TRAPPC9: variants seen among roughly 807,000 people sequenced by gnomAD.
The protein encoded by TRAPPC9 is IKK2 binding protein.
A neutral mutation model predicts 124.0 loss-of-function variants in TRAPPC9; 83 were observed. The ratio of observed to expected loss-of-function variants is 0.67; its 90% confidence interval spans 0.56 to 0.80. TRAPPC9 has a LOEUF of 0.80. Ranked by LOEUF, TRAPPC9 falls within the 30% of genes least tolerant of loss-of-function variation. The pLI, the probability that TRAPPC9 is intolerant of heterozygous loss-of-function variation, is 0.00. For synonymous variants in TRAPPC9, 638 were observed against 617.5 expected, an observed-to-expected ratio of 1.03 and a Z score of -0.49; for missense variants, 1,302 against 1,508.3, an observed-to-expected ratio of 0.86 and a Z score of 2.27.
intron 21 of TRAPPC9, among the ~76,000 whole-genome samples, chr8:139,796,616 A>G (rs927014346): frequency 7.2e-5 from 11 of 152,224 alleles, no homozygotes; most frequent in African/African-American, 2.4e-4. Flanking sequence ...ATAATATTCC[A>G]TGTTATGGCT....
rs1335877040 is a variant in TRAPPC9, at chr8:139,816,875, C to T, written c.3055+69004G>A. On this transcript the variant is annotated intron_variant, in intron 21 of 22. Coordinates refer to ENST00000438773, the MANE Select transcript of TRAPPC9 (RefSeq NM_001160372.4). The stretch of plus-strand genomic sequence containing the variant: ...CCAAACTCACGGCCCGCCCTCACTG[C>T]ACATGCAGGCACAGTCTCAGCTTCA... Among the ~76,000 whole-genome samples, 7 of 152,176 alleles carry T rather than the reference C, an allele frequency of 4.6e-5. No homozygotes were observed. The East Asian group carries it at 1.4e-3, about 29-fold the overall frequency.
chr8:139,773,422 C>T (rs745530806), intron 21 of TRAPPC9, among the ~76,000 whole-genome samples: 5 of 152,196 alleles, frequency 3.3e-5, no homozygotes, highest in South Asian at 4.1e-4. Flanking sequence ...GTGCAGCAGA[C>T]GGCACTGGGT....
chr8:140,160,325 T>C (rs541590812), intron 17 of TRAPPC9, among the ~76,000 whole-genome samples: 2 of 152,308 alleles, frequency 1.3e-5, no homozygotes, highest in East Asian at 3.9e-4. Context: ...TAAATCATGC[T>C]ACTGTAAAGA....
At chr8:140,210,282 C>T (rs562505574) in intron 17 of TRAPPC9, among the ~76,000 whole-genome samples, 1 of 152,358 alleles carries the variant, frequency 6.6e-6, no homozygotes, top group South Asian at 2.1e-4. Context: ...CTGTCTTCAT[C>T]TAGAAAACAG....
chr8:140,167,957 G>T (rs2061877467), intron 17 of TRAPPC9, among the ~76,000 whole-genome samples: 1 of 152,174 alleles, frequency 6.6e-6, no homozygotes, highest in Admixed American at 6.5e-5. Context: ...TGGATAAAAG[G>T]AGAAGTTAAA....
rs1296186564 is a variant in TRAPPC9, at chr8:140,437,009, G to T, written c.731-1769C>A. Among the ~76,000 whole-genome samples the T allele has an allele frequency of 2.0e-5, 3 of 151,986 alleles. No individual in the cohort carries two copies. The East Asian group carries it at 5.8e-4, about 29-fold the overall frequency. On this transcript the variant is annotated intron_variant, in intron 3 of 22. Coordinates refer to ENST00000438773, the MANE Select transcript of TRAPPC9 (RefSeq NM_001160372.4). ...GAGACAAAGTCTCACTCTTGCTCAGGATGGAGTGCAGTGGTGCGATCGTGG... is the reference window on the plus strand; with the variant it reads ...GAGACAAAGTCTCACTCTTGCTCAGTATGGAGTGCAGTGGTGCGATCGTGG...
At chr8:140,203,552 G>A (rs2062844252) in intron 17 of TRAPPC9, among the ~76,000 whole-genome samples, 2 of 152,238 alleles carry the variant, frequency 1.3e-5, no homozygotes, top group South Asian at 4.1e-4. Flanking sequence ...CATAATGCAA[G>A]TGAGGACTTC....
chr8:139,810,273 C>T (rs1203793840), intron 21 of TRAPPC9, among the ~76,000 whole-genome samples: 1 of 152,170 alleles, frequency 6.6e-6, no homozygotes, highest in East Asian at 1.9e-4. Flanking sequence ...GGAGACAAGG[C>T]CACTGCTGGA....
intron 19 of TRAPPC9, among the ~76,000 whole-genome samples, chr8:139,925,827 G>GCACACA (rs56794885): frequency 0.25 from 17,253 of 68,562 alleles, 1,136 homozygotes; most frequent in Admixed American, 0.31. Flanking sequence ...ACACGCACAC[G>GCACACA]CACACACACA....
chr8:140,003,622 AG>A (rs1407396508), intron 18 of TRAPPC9, among the ~76,000 whole-genome samples: 19 of 148,804 alleles, frequency 1.3e-4, no homozygotes, highest in African/African-American at 4.5e-4. Flanking sequence ...AAAAAAAAAA[AG>A]TGCAAATTAA....
At position 139,910,251 on chromosome 8, in the gene TRAPPC9, G is replaced by C. The variant is rs1831635894; in HGVS notation, c.2860C>G (p.Pro954Ala). The C allele has an allele frequency of 6.2e-7, 1 of 1,614,122 alleles. No individual in the cohort carries two copies. The highest frequency in any genetic ancestry group is 1.1e-5 in the South Asian group (1 of 91,080). Residue 954 changes from proline to alanine, a missense_variant, in exon 20 of 23, where the codon CCT (proline) becomes GCT (alanine). Coordinates refer to ENST00000438773, the MANE Select transcript of TRAPPC9 (RefSeq NM_001160372.4). Reference protein sequence around the residue: ...KFNFESFPESPGEKGQFANPK... With the variant: ...KFNFESFPESAGEKGQFANPK... The stretch of plus-strand genomic sequence containing the variant: ...TTTGCAAATTGCCCCTTCTCCCCAG[G>C]GGACTCCGGGAAACTCTCAAAGTTG...
chr8:139,733,414 G>A (rs1364451621), intron 21 of TRAPPC9, among the ~76,000 whole-genome samples: 2 of 152,182 alleles, frequency 1.3e-5, no homozygotes, highest in East Asian at 1.9e-4. Flanking sequence ...GTTTGTGGTC[G>A]TTCGCTGTGG....
intron 15 of TRAPPC9, among the ~76,000 whole-genome samples, chr8:140,271,433 T>C (rs372732231): frequency 8.5e-5 from 13 of 152,126 alleles, no homozygotes; most frequent in African/African-American, 3.1e-4. Context: ...AAACAAATCA[T>C]AGTATGGGAG....
At chr8:140,366,661 A>G (rs1448591631) in intron 8 of TRAPPC9, among the ~76,000 whole-genome samples, 1 of 152,242 alleles carries the variant, frequency 6.6e-6, no homozygotes, top group Non-Finnish European at 1.5e-5. Flanking sequence ...GACCTTAGGT[A>G]TACTAATGTT....
intron 9 of TRAPPC9, among the ~76,000 whole-genome samples, chr8:140,320,502 C>T (rs2066563360): frequency 6.6e-6 from 1 of 152,164 alleles, no homozygotes; most frequent in Non-Finnish European, 1.5e-5. Context: ...GCCAAACGTC[C>T]AGCACAGAGC....
intron 17 of TRAPPC9, among the ~76,000 whole-genome samples, chr8:140,174,469 A>G (rs1373899840): frequency 6.6e-6 from 1 of 152,236 alleles, no homozygotes; most frequent in African/African-American, 2.4e-5. Context: ...GACTTTTAGT[A>G]TATTCACAGA....
chr8:139,868,413 C>T (rs1828685749), intron 21 of TRAPPC9, among the ~76,000 whole-genome samples: 1 of 152,174 alleles, frequency 6.6e-6, no homozygotes, highest in African/African-American at 2.4e-5. Context: ...ACCATACTTG[C>T]AGCTTTTCTG....
intron 17 of TRAPPC9, among the ~76,000 whole-genome samples, chr8:140,138,508 T>G (rs2061338412): frequency 6.6e-6 from 1 of 152,106 alleles, no homozygotes; most frequent in South Asian, 2.1e-4. Flanking sequence ...CTGTTCTCTC[T>G]CAGTGTGATG....
intron 19 of TRAPPC9, among the ~76,000 whole-genome samples, chr8:139,953,657 C>A (rs1834802887): frequency 6.6e-6 from 1 of 152,096 alleles, no homozygotes; most frequent in Non-Finnish European, 1.5e-5. Context: ...AATCATAAAT[C>A]TGATTAACAG....
Sources: allele counts gnomAD v4.1 joint callset (sites outside exome capture counted in the v4.1 genomes callset), GRCh38; gene constraint gnomAD v4.1.1; transcripts MANE v1.5; gene names NCBI Gene and HGNC (gene_info 2026-07-23, HGNC 2026-07-21).